MEG3: variants seen among roughly 807,000 people sequenced by gnomAD.
MEG3 encodes the protein maternally expressed 3.
At chr14:100,838,069 G>C (rs1388373003) in intron 2 of MEG3, among the ~76,000 whole-genome samples, 1 of 152,186 alleles carries the variant, frequency 6.6e-6, no homozygotes, top group Non-Finnish European at 1.5e-5. Context: ...ACAGGGGCAG[G>C]CTGCTGGGGT....
Position 100,837,041 on chromosome 14 carries a change from T to G in MEG3, n.3045+741T>G, listed in dbSNP as rs1209538757. On this transcript the variant is annotated intron_variant and non_coding_transcript_variant, in intron 2 of 3. Transcript: ENST00000398461. This position sits in a 1 kb window ranked among gnomAD's most constrained non-coding sequence, Gnocchi z 5.8. ...CCGGGAGCCGTCCAGGGCTCGGGCC[T>G]GGGGTTGTTCTGGGGCGCCTAAGGC... 6.6e-6 allele frequency among the ~76,000 whole-genome samples: 1 copy of G among 152,156 alleles called. No individual in the cohort carries two copies. Among genetic ancestry groups the G allele is most frequent in the Non-Finnish European group, 1.5e-5 (1 of 68,026 alleles).
At chr14:100,834,762 G>A (rs1295091521) in exon 1 of MEG3, 1 of 456,546 alleles carries the variant, frequency 2.2e-6, no homozygotes, top group Non-Finnish European at 4.4e-6. Flanking sequence ...GTGAGTGAAT[G>A]AAAGGACTCG....
chr14:100,834,662 G>A (rs1381974207), exon 1 of MEG3: 2 of 456,310 alleles, frequency 4.4e-6, no homozygotes, highest in Admixed American at 4.7e-5. Flanking sequence ...GGGTGCCCTT[G>A]ACCAGCCCCG....
upstream of MEG3, chr14:100,852,493 C>A (rs778813726): frequency 2.0e-6 from 1 of 508,016 alleles, no homozygotes; most frequent in Non-Finnish European, 4.1e-6. Context: ...CTCTTCTTCT[C>A]TTTCAGAATC....
chr14:100,835,949 T>C (rs1274221553), intron 1 of MEG3: 5 of 328,114 alleles, frequency 1.5e-5, no homozygotes, highest in South Asian at 9.9e-5. Flanking sequence ...CCCCGCCCGG[T>C]CCCTTGCTCC....
downstream of MEG3, chr14:100,834,054 T>A (rs1184481166): frequency 6.6e-6 from 1 of 152,268 alleles, no homozygotes. Context: ...TTCATCCCCT[T>A]TTGCCAAGGC....
exon 2 of MEG3, chr14:100,860,812 C>T (rs920270357): frequency 2.1e-5 from 9 of 424,336 alleles, no homozygotes; most frequent in Non-Finnish European, 4.3e-5. Flanking sequence ...CGCCGCTGAC[C>T]TGGGGTCAGA....
At chr14:100,832,399 C>G (rs886084024), downstream of MEG3, 1 of 152,130 alleles carries the variant, frequency 6.6e-6, no homozygotes. Flanking sequence ...TGAAGGTACA[C>G]GAAGTATTTC....
chr14:100,841,123 C>T (rs916417373), intron 2 of MEG3, among the ~76,000 whole-genome samples: 1 of 152,168 alleles, frequency 6.6e-6, no homozygotes, highest in Non-Finnish European at 1.5e-5. Context: ...CTGTTTGCAC[C>T]ACCACTGCCC....
intron 1 of MEG3, chr14:100,860,491 C>A (rs114244782): frequency 0.011 from 4,168 of 374,932 alleles, 65 homozygotes; most frequent in African/African-American, 0.036. Flanking sequence ...GCAGGGTACG[C>A]CAGAAGTTGA....
chr14:100,826,135 G>A (rs1471387252), intron 1 of MEG3: 1 of 152,284 alleles, frequency 6.6e-6, no homozygotes, highest in Non-Finnish European at 1.5e-5. Flanking sequence ...GCGGAGAGCA[G>A]AGAGGGAGCG....
intron 2 of MEG3, among the ~76,000 whole-genome samples, chr14:100,836,999 A>T (rs1435341350): frequency 1.3e-5 from 2 of 152,144 alleles, no homozygotes; most frequent in Non-Finnish European, 2.9e-5. Context: ...TTTGTGTTTT[A>T]CTAATTCAAG....
At position 100,837,664 on chromosome 14, in the gene MEG3, G is replaced by A. The variant is rs151291052; in HGVS notation, n.3045+1364G>A. On this transcript the variant is annotated intron_variant and non_coding_transcript_variant, in intron 2 of 3. Transcript: ENST00000398461. The surrounding 1 kb of genome is among the most constrained non-coding windows in gnomAD (Gnocchi z 5.8). ...GCCCTTGTGCAGGCCTCCGCCCTCC[G>A]CCACCCCCCACCCCCGGAGTGTCTC... Among the ~76,000 whole-genome samples the A allele has an allele frequency of 1.7e-4, 26 of 151,770 alleles. No individual in the cohort carries two copies. The highest frequency in any genetic ancestry group is 3.2e-4 in the Non-Finnish European group (22 of 67,920).
intron 2 of MEG3, among the ~76,000 whole-genome samples, chr14:100,840,905 G>A (rs1253908858): frequency 6.6e-6 from 1 of 152,210 alleles, no homozygotes; most frequent in Non-Finnish European, 1.5e-5. Flanking sequence ...GCTCACAGCT[G>A]GGCTGCTCCT....
exon 1 of MEG3, chr14:100,858,344 G>C (rs894958628): frequency 2.6e-5 from 4 of 152,846 alleles, no homozygotes; most frequent in African/African-American, 9.7e-5. Flanking sequence ...ATCCCACGCA[G>C]GGGTCCTTTC....
chr14:100,856,123 G>C (rs2038234508), upstream of MEG3: 1 of 152,220 alleles, frequency 6.6e-6, no homozygotes, highest in Non-Finnish European at 1.5e-5. Flanking sequence ...AATTGGGGGA[G>C]ATGATTGCTC....
intron 2 of MEG3, among the ~76,000 whole-genome samples, chr14:100,839,783 G>T (rs941577): frequency 0.22 from 33,395 of 152,116 alleles, 3,733 homozygotes; most frequent in Admixed American, 0.27. Context: ...CAGAAGAGGG[G>T]TTCCAGCTCC....
intron 2 of MEG3, among the ~76,000 whole-genome samples, chr14:100,842,059 G>C (rs117028145): frequency 0.021 from 3,166 of 152,306 alleles, 52 homozygotes; most frequent in Admixed American, 0.044. Context: ...AGCTATCTCT[G>C]TGTGCTGCAG....
In MEG3 at chr14:100,836,227, GGCC is replaced by G. The variant is rs1326180322; in HGVS notation, n.2973_2975del. 3 of 456,708 alleles carry G rather than the reference GGCC, an allele frequency of 6.6e-6. No individual in the cohort carries two copies. In the Admixed American group the frequency reaches 7.0e-5, roughly 11 times the overall value. 28.3% of individuals were successfully genotyped at this position (456,708 alleles called of 1,614,324 possible). A position where few individuals can be genotyped will look rare whatever the true frequency, so the allele number is the denominator to read the frequency against. ...AACTGCGGATGGAAGCTGCGGAAGAGGCCCTGATGGGGCCCACCATCCCGGACC... is the reference window on the plus strand; with the variant it reads ...AACTGCGGATGGAAGCTGCGGAAGAGCTGATGGGGCCCACCATCCCGGACC... On this transcript the variant is annotated non_coding_transcript_exon_variant, in exon 2 of 4. Transcript: ENST00000398461.
Sources: allele counts gnomAD v4.1 joint callset (sites outside exome capture counted in the v4.1 genomes callset), GRCh38; gene constraint gnomAD v4.1.1; non-coding constraint Gnocchi (gnomAD v3.1); transcripts MANE v1.5; gene names NCBI Gene and HGNC (gene_info 2026-07-23, HGNC 2026-07-21).